Variants in FLRT2 observed in about 807,000 individuals in gnomAD.
FLRT2 encodes the protein leucine-rich repeat transmembrane protein FLRT2.
In FLRT2, 15 loss-of-function variants were observed where a neutral mutation model predicts 40.0. The observed-to-expected ratio is 0.38, with a 90% confidence interval of 0.25 to 0.58. The LOEUF (loss-of-function observed/expected upper bound fraction) is 0.58. Among genes scored for constraint, FLRT2 ranks in the 20% least tolerant of loss-of-function variants. FLRT2 has a pLI of 0.71. For synonymous variants in FLRT2, 380 were observed against 336.8 expected (o/e 1.13, Z -1.41); for missense variants, 726 against 840.0 (o/e 0.86, Z 1.68).
At chr14:85,584,068 C>A (rs1268892164) in intron 1 of FLRT2, among the ~76,000 whole-genome samples, 1 of 152,038 alleles carries the variant, frequency 6.6e-6, no homozygotes, top group Non-Finnish European at 1.5e-5. Context: ...ATTTATTTAT[C>A]CCTCAGAGAA....
At chr14:85,575,095 G>A (rs1048359867) in intron 1 of FLRT2, among the ~76,000 whole-genome samples, 1 of 152,266 alleles carries the variant, frequency 6.6e-6, no homozygotes. Context: ...AAATATTTTT[G>A]CTTTGGCTTT....
At chr14:85,618,543 C>T (rs1893235557) in intron 1 of FLRT2, among the ~76,000 whole-genome samples, 1 of 152,106 alleles carries the variant, frequency 6.6e-6, no homozygotes, top group Non-Finnish European at 1.5e-5. Context: ...TCTAGATAAA[C>T]ATTTTCTGTT....
chr14:85,622,236 C>T lies in FLRT2; in HGVS notation c.722C>T (p.Ser241Leu), dbSNP rs755733449. The change falls in exon 2 of 2, where the codon TCG (serine) becomes TTG (leucine). Residue 241 changes from serine (S) to leucine (L), a missense_variant. Coordinates refer to ENST00000330753, the MANE Select transcript of FLRT2 (RefSeq NM_013231.6). ...KLKEFSIVRN[S>L]LSHPPPDLPG... ...AAGGAATTTTCAATTGTACGTAATT[C>T]GCTGTCCCACCCTCCTCCCGATCTC... 6.2e-6 allele frequency: 10 copies of T among 1,614,112 alleles called. No homozygotes were observed. Among genetic ancestry groups the T allele is most frequent in the South Asian group, 3.3e-5 (3 of 91,080 alleles).
At chr14:85,612,769 C>G (rs915155830) in intron 1 of FLRT2, among the ~76,000 whole-genome samples, 2 of 152,132 alleles carry the variant, frequency 1.3e-5, no homozygotes, top group African/African-American at 4.8e-5. Flanking sequence ...ACATTCAGAG[C>G]CATCTCTATG....
chr14:85,607,401 T>C (rs910547488), intron 1 of FLRT2, among the ~76,000 whole-genome samples: 2 of 152,242 alleles, frequency 1.3e-5, no homozygotes, highest in Non-Finnish European at 2.9e-5. Flanking sequence ...CTTTTCTTAA[T>C]AACCACTTAG....
chr14:85,554,203 A>G (rs1889815209), intron 1 of FLRT2, among the ~76,000 whole-genome samples: 1 of 152,194 alleles, frequency 6.6e-6, no homozygotes, highest in African/African-American at 2.4e-5. Context: ...ATCAACAAGT[A>G]TTTACTGAAG....
chr14:85,544,350 G>A (rs571663720), intron 1 of FLRT2, among the ~76,000 whole-genome samples: 8 of 152,200 alleles, frequency 5.3e-5, no homozygotes, highest in Non-Finnish European at 7.3e-5. Context: ...TATCGGTTAC[G>A]TAGATGTTCA....
At chr14:85,551,529 TTTA>T (rs1156570585) in intron 1 of FLRT2, among the ~76,000 whole-genome samples, 2 of 152,194 alleles carry the variant, frequency 1.3e-5, no homozygotes, top group Non-Finnish European at 2.9e-5. Context: ...ATTTGTCCTG[TTTA>T]TTGTTGTGGC....
At chr14:85,608,315 C>T (rs914444244) in intron 1 of FLRT2, among the ~76,000 whole-genome samples, 41 of 151,906 alleles carry the variant, frequency 2.7e-4, no homozygotes, top group African/African-American at 9.7e-4. Flanking sequence ...CTGCAGCCTC[C>T]ACCTCCCGGG....
At chr14:85,574,931 A>G (rs1004346073) in intron 1 of FLRT2, among the ~76,000 whole-genome samples, 1 of 152,196 alleles carries the variant, frequency 6.6e-6, no homozygotes. Context: ...ATACCAAACA[A>G]GGTAGGAAAC....
rs1423185054 is a variant in FLRT2 at position 85,651,556 on chromosome 14, T to A, written c.*28059T>A. 1 of 152,118 alleles carries A rather than the reference T, an allele frequency of 6.6e-6. No homozygotes were observed. The highest frequency in any genetic ancestry group is 1.5e-5 in the Non-Finnish European group (1 of 67,964). 9.4% of individuals were successfully genotyped at this position (152,118 alleles called of 1,614,324 possible). On this transcript the variant is annotated 3_prime_UTR_variant, in exon 2 of 2. Transcript: ENST00000330753. ...ATTATTAATTGGGAAGATTTTAGAA[T>A]ACTTAACGTATGTTTTCTAATTAAG... is the stretch of plus-strand genomic sequence containing the variant.
chr14:85,607,458 T>G (rs1031520209), intron 1 of FLRT2, among the ~76,000 whole-genome samples: 4 of 152,218 alleles, frequency 2.6e-5, no homozygotes, highest in Non-Finnish European at 4.4e-5. Flanking sequence ...AGATTCAAAG[T>G]CATTATTCAT....
chr14:85,608,790 C>T (rs1378747847), intron 1 of FLRT2, among the ~76,000 whole-genome samples: 1 of 152,138 alleles, frequency 6.6e-6, no homozygotes, highest in Non-Finnish European at 1.5e-5. Context: ...TGTGAAGAGC[C>T]ACTGCCCTCA....
Position 85,625,154 on chromosome 14 carries a change from A to G in FLRT2, c.*1657A>G, listed in dbSNP as rs753229713. On this transcript the variant is annotated 3_prime_UTR_variant, in exon 2 of 2. Coordinates refer to ENST00000330753, the MANE Select transcript of FLRT2 (RefSeq NM_013231.6). Reference sequence around the variant, plus strand: ...TGCCATCCTTAGATAGAGAAGGGCTATAGATCACATACGTTATCAAAAACT... The same window carrying G: ...TGCCATCCTTAGATAGAGAAGGGCTGTAGATCACATACGTTATCAAAAACT... 21 of 167,238 alleles carry G rather than the reference A, an allele frequency of 1.3e-4. No individual in the cohort carries two copies. The South Asian group carries it at 1.9e-3, about 15-fold the overall frequency. The allele number at this position is 167,238 out of a possible 1,614,324, so 10.4% of individuals were successfully genotyped here.
Position 85,626,650 on chromosome 14 carries a change from C to T in FLRT2, c.*3153C>T, listed in dbSNP as rs1342600113. The T allele has an allele frequency of 6.0e-6, 1 of 167,082 alleles. No homozygotes were observed. Among genetic ancestry groups the T allele is most frequent in the Admixed American group, 6.5e-5 (1 of 15,286 alleles). The allele number at this position is 167,082 out of a possible 1,614,324, so 10.3% of individuals were successfully genotyped here. ...AAACACCGTCAGATGCATTAGCAGC[C>T]CACTGCATGGGACAATCGCAGGCAG... On this transcript the variant is annotated 3_prime_UTR_variant, in exon 2 of 2. Coordinates refer to ENST00000330753, the MANE Select transcript of FLRT2 (RefSeq NM_013231.6).
Position 85,634,104 on chromosome 14 carries a change from C to G in FLRT2, c.*10607C>G, listed in dbSNP as rs1215934560. On this transcript the variant is annotated 3_prime_UTR_variant, in exon 2 of 2. Transcript: ENST00000330753. ...TCAGCTGGATCACGTTGTTTTCTTT[C>G]TGTACACTTTGTGGTAGTTAATAGT... The G allele has an allele frequency of 1.3e-5, 2 of 152,182 alleles. No homozygotes were observed. The highest frequency in any genetic ancestry group is 4.8e-5 in the African/African-American group (2 of 41,454). 9.4% of individuals were successfully genotyped at this position (152,182 alleles called of 1,614,324 possible).
At chr14:85,616,494 G>A (rs1343246911) in intron 1 of FLRT2, among the ~76,000 whole-genome samples, 1 of 152,196 alleles carries the variant, frequency 6.6e-6, no homozygotes, top group Admixed American at 6.5e-5. Flanking sequence ...CAGAGAGTTG[G>A]GAGAAAGTAT....
chr14:85,643,303 C>CTTTCTTTCTTTCTTTCTTTA lies in FLRT2; in HGVS notation c.*19825_*19826insATTTCTTTCTTTCTTTCTTT, dbSNP rs1566774408. On this transcript the variant is annotated 3_prime_UTR_variant, in exon 2 of 2. Coordinates refer to ENST00000330753, the MANE Select transcript of FLRT2 (RefSeq NM_013231.6). Reference sequence around the variant, plus strand: ...GGGTATTTCTTTTTTTTCTTTCTTTCTTTCTTTCTTTCTTTCTTTCTTTCT... The same window carrying CTTTCTTTCTTTCTTTCTTTA: ...GGGTATTTCTTTTTTTTCTTTCTTTCTTTCTTTCTTTCTTTCTTTATTTCTTTCTTTCTTTCTTTCTTTCT... 1 of 92,306 alleles carries CTTTCTTTCTTTCTTTCTTTA rather than the reference C, an allele frequency of 1.1e-5. No individual in the cohort carries two copies. The highest frequency in any genetic ancestry group is 5.3e-5 in the African/African-American group (1 of 18,988). The allele number at this position is 92,306 out of a possible 1,614,324, so 5.7% of individuals were successfully genotyped here. A position where few individuals can be genotyped will look rare whatever the true frequency, so the allele number is the denominator to read the frequency against.
At chr14:85,584,286 A>G (rs1891520953) in intron 1 of FLRT2, among the ~76,000 whole-genome samples, 2 of 152,212 alleles carry the variant, frequency 1.3e-5, no homozygotes, top group Non-Finnish European at 2.9e-5. Flanking sequence ...ATGGCTGCAT[A>G]GTATTGACTC....
Sources: gnomAD v4.1 joint callset for allele counts (sites outside exome capture counted in the v4.1 genomes callset) on GRCh38, gnomAD v4.1.1 for gene constraint, MANE v1.5 for transcripts, NCBI Gene and HGNC (gene_info 2026-07-23, HGNC 2026-07-21) for gene names.